SCIN: variants seen among roughly 807,000 people sequenced by gnomAD.
SCIN encodes the protein adseverin.
A neutral mutation model predicts 91.8 loss-of-function variants in SCIN; 91 were observed. The ratio of observed to expected loss-of-function variants is 0.99; its 90% CI spans 0.84 to 1.18. The LOEUF is 1.18. Among genes scored for constraint, SCIN ranks in the 50% most tolerant of loss-of-function variants. SCIN has a pLI of 0.00. For synonymous variants in SCIN, 367 were observed against 312.6 expected (o/e 1.17, Z -1.84); for missense variants, 1,087 against 863.9 (o/e 1.26, Z -3.24).
In SCIN at chr7:12,636,111, G is replaced by C. The variant is rs1783746751; in HGVS notation, c.1386G>C (p.Arg462=). Residue 462 remains arginine, a synonymous_variant, in exon 10 of 16, where the codon CGG becomes CGC. Coordinates refer to ENST00000297029, the MANE Select transcript of SCIN (RefSeq NM_001112706.3). ...CGTTCCTGACTGTTCAGTTGGATCG[G>C]TCCCTTGGAGGACAGGCTGTGCAGG... ...TSAFLTVQLD[R]SLGGQAVQIR... is the part of the protein sequence containing the mutation. The C allele has an allele frequency of 1.2e-6, 2 of 1,612,716 alleles. No homozygotes were observed. Among genetic ancestry groups the C allele is most frequent in the African/African-American group, 2.7e-5 (2 of 74,812 alleles).
rs751347559 is a variant in SCIN, at chr7:12,578,039, G to T, written c.200-25G>T. The T allele has an allele frequency of 1.7e-5, 25 of 1,505,664 alleles. No individual in the cohort carries two copies. In the Middle Eastern group the frequency reaches 6.9e-4, roughly 42 times the overall value. The allele number at this position is 1,505,664 out of a possible 1,614,324, so 93.3% of individuals were successfully genotyped here. ...TAATCCTTTCTCTTGCTTGATAATT[G>T]AGGTGCTGTTGTTCACTGTTTTAGG... On this transcript the variant is annotated intron_variant, in intron 1 of 15. Coordinates refer to ENST00000297029, the MANE Select transcript of SCIN (RefSeq NM_001112706.3).
intron 15 of SCIN, 147 bp downstream of exon 15, chr7:12,652,048 G>A: frequency 5.2e-6 from 3 of 574,982 alleles, no homozygotes; most frequent in South Asian, 2.5e-5. Flanking sequence ...AAAGAGTAAT[G>A]GGATTTTTTG....
chr7:12,644,526 G>A, intron 12 of SCIN, 58 bp from the exon 13 acceptor site: 2 of 1,588,726 alleles, frequency 1.3e-6, no homozygotes, highest in South Asian at 1.2e-5. Context: ...TTCATATAAA[G>A]CGACAGCAAG....
At chr7:12,628,086 C>T (rs1457143028) in intron 8 of SCIN, among the ~76,000 whole-genome samples, 1 of 151,534 alleles carries the variant, frequency 6.6e-6, no homozygotes, top group African/African-American at 2.4e-5. Context: ...TGTACACACA[C>T]AGTGCCTGGC....
chr7:12,655,979 TCCTGCATTTA>T lies in SCIN; in HGVS notation c.*3268_*3277del, dbSNP rs1309850597. 1 of 152,140 alleles carries T rather than the reference TCCTGCATTTA, an allele frequency of 6.6e-6. No individual in the cohort carries two copies. The highest frequency in any genetic ancestry group is 2.4e-5 in the African/African-American group (1 of 41,428). 9.4% of individuals were successfully genotyped at this position (152,140 alleles called of 1,614,324 possible). On this transcript the variant is annotated 3_prime_UTR_variant, in exon 16 of 16. Transcript: ENST00000297029. ...CATACTCAACTCAGTCAAACAGAGG[TCCTGCATTTA>T]CCTCTTGGTGCCGGAGAGCCTTGGT... is the stretch of plus-strand genomic sequence containing the variant.
chr7:12,576,300 G>T (rs981121148), intron 1 of SCIN, among the ~76,000 whole-genome samples: 5 of 151,902 alleles, frequency 3.3e-5, no homozygotes, highest in African/African-American at 1.2e-4. Context: ...ACTTAACTTT[G>T]ACCACAGCGA....
rs1284653814 is a variant in SCIN, at chr7:12,659,723, C to G, written c.*7008C>G. On this transcript the variant is annotated 3_prime_UTR_variant, in exon 16 of 16. Coordinates refer to ENST00000297029, the MANE Select transcript of SCIN (RefSeq NM_001112706.3). ...GTGGCTGGCTAAAATGGCACAGTGG[C>G]AAATCCTGACCATGGACTGCCCTAT... 1 of 154,158 alleles carries G rather than the reference C, an allele frequency of 6.5e-6. No individual in the cohort carries two copies. The highest frequency in any genetic ancestry group is 1.4e-5 in the Non-Finnish European group (1 of 69,360). The allele number at this position is 154,158 out of a possible 1,614,324, so 9.5% of individuals were successfully genotyped here. A position where few individuals can be genotyped will look rare whatever the true frequency, so the allele number is the denominator to read the frequency against.
chr7:12,644,402 T>C (rs944096460), intron 12 of SCIN, 87 bp downstream of exon 12: 1 of 1,474,814 alleles, frequency 6.8e-7, no homozygotes, highest in East Asian at 2.5e-5. Flanking sequence ...AGTCACTTTC[T>C]AATGGCTTAT....
chr7:12,592,392 A>G (rs1269966678), intron 3 of SCIN, among the ~76,000 whole-genome samples: 3 of 152,142 alleles, frequency 2.0e-5, no homozygotes, highest in Non-Finnish European at 2.9e-5. Context: ...AGACTGCATG[A>G]GCAGAGCTTG....
intron 10 of SCIN, among the ~76,000 whole-genome samples, chr7:12,636,702 A>G (rs1049788365): frequency 6.6e-5 from 10 of 152,176 alleles, no homozygotes; most frequent in Non-Finnish European, 1.0e-4. Context: ...GCAGCATGGG[A>G]AAGACTCAAC....
chr7:12,605,445 G>T (rs181446074), intron 4 of SCIN, among the ~76,000 whole-genome samples: 57 of 152,250 alleles, frequency 3.7e-4, no homozygotes, highest in African/African-American at 1.3e-3. Flanking sequence ...GGGACCAGAA[G>T]TGTTTCAGAT....
chr7:12,627,146 G>A (rs1225453348), intron 8 of SCIN, among the ~76,000 whole-genome samples: 1 of 151,896 alleles, frequency 6.6e-6, no homozygotes, highest in Non-Finnish European at 1.5e-5. Flanking sequence ...ATATCTGTGT[G>A]TATATATACA....
chr7:12,573,639 A>G (rs73062623), intron 1 of SCIN, among the ~76,000 whole-genome samples: 25,725 of 152,110 alleles, frequency 0.17, 2,678 homozygotes, highest in Non-Finnish European at 0.23. Context: ...GTTTAAATGC[A>G]TCCATTCACC....
chr7:12,596,563 T>G, intron 3 of SCIN: 1 of 414,486 alleles, frequency 2.4e-6, no homozygotes, highest in Non-Finnish European at 4.8e-6. Flanking sequence ...GCCCCACTCA[T>G]GCCTGCGTAA....
chr7:12,627,541 A>G (rs998031423), intron 8 of SCIN, among the ~76,000 whole-genome samples: 3 of 152,178 alleles, frequency 2.0e-5, no homozygotes, highest in African/African-American at 4.8e-5. Flanking sequence ...TTTCATCTCT[A>G]TATTCCTAGG....
intron 3 of SCIN, among the ~76,000 whole-genome samples, chr7:12,590,023 T>C (rs1418770943): frequency 2.0e-5 from 3 of 152,126 alleles, no homozygotes; most frequent in East Asian, 3.9e-4. Context: ...TCCGGATGTC[T>C]GGGGCCAGCA....
chr7:12,607,761 G>A (rs1445366440), intron 4 of SCIN, among the ~76,000 whole-genome samples: 1 of 152,154 alleles, frequency 6.6e-6, no homozygotes, highest in Non-Finnish European at 1.5e-5. Flanking sequence ...TTCGCTTTTG[G>A]AAATGTAGTT....
intron 3 of SCIN, 112 bp downstream of exon 3, chr7:12,581,333 C>G: frequency 9.4e-7 from 1 of 1,067,516 alleles, no homozygotes; most frequent in Middle Eastern, 2.9e-4. Context: ...CAGAAAGGGG[C>G]CACGTTTATG....
intron 9 of SCIN, among the ~76,000 whole-genome samples, chr7:12,633,480 G>A (rs1236891874): frequency 1.3e-5 from 2 of 152,206 alleles, no homozygotes; most frequent in African/African-American, 4.8e-5. Flanking sequence ...TTGAATCTGT[G>A]TGGATGGCAG....
Sources: gnomAD v4.1 joint callset for allele counts (sites outside exome capture counted in the v4.1 genomes callset) on GRCh38, gnomAD v4.1.1 for gene constraint, MANE v1.5 for transcripts, NCBI Gene and HGNC (gene_info 2026-07-23, HGNC 2026-07-21) for gene names.